Variants in DYNC2LI1 observed in about 807,000 individuals in gnomAD.
The protein encoded by DYNC2LI1 is cytoplasmic dynein 2 light intermediate chain 1.
In DYNC2LI1, 45 loss-of-function variants were observed where a neutral mutation model predicts 51.9. The ratio of observed to expected loss-of-function variants is 0.87; its 90% CI spans 0.68 to 1.11. The LOEUF is 1.11. DYNC2LI1 is among the 50% of genes most tolerant of loss of function. The pLI is 0.00. For synonymous variants in DYNC2LI1, 130 were observed against 137.8 expected, an observed-to-expected ratio of 0.94 and a Z score of 0.40; for missense variants, 490 against 417.4, an observed-to-expected ratio of 1.17 and a Z score of -1.51.
the DYNC2LI1 span, among the ~76,000 whole-genome samples, chr2:43,823,545 G>A: frequency 1.3e-5 from 2 of 152,094 alleles, no homozygotes; most frequent in Non-Finnish European, 2.9e-5. Context: ...CCTAAAATCA[G>A]CTCCAAAGAG....
intron 3 of DYNC2LI1, among the ~76,000 whole-genome samples, chr2:43,784,761 A>G (rs1413763388): frequency 6.6e-6 from 1 of 152,134 alleles, no homozygotes; most frequent in African/African-American, 2.4e-5. Flanking sequence ...CAATTCCTCA[A>G]TAGTCTACTT....
intron 10 of DYNC2LI1, 113 bp downstream of exon 10, chr2:43,801,822 G>A: frequency 5.6e-6 from 4 of 718,132 alleles, no homozygotes; most frequent in South Asian, 3.8e-5. Flanking sequence ...CATTATCATT[G>A]CTGTTATTTC....
At chr2:43,801,424 G>T in intron 9 of DYNC2LI1, 1 of 382,838 alleles carries the variant, frequency 2.6e-6, no homozygotes, top group Admixed American at 4.7e-5. Context: ...TAAGGTAATA[G>T]GGTCTGTCAC....
intron 5 of DYNC2LI1, 176 bp from the exon 6 acceptor site, chr2:43,794,281 G>A (rs1673927232): frequency 3.4e-6 from 2 of 586,092 alleles, no homozygotes; most frequent in East Asian, 2.9e-5. Context: ...GGAAAGTATT[G>A]GAATAAATAA....
chr2:43,802,077 C>A (rs186148265), intron 10 of DYNC2LI1, among the ~76,000 whole-genome samples: 16 of 152,172 alleles, frequency 1.1e-4, no homozygotes, highest in Admixed American at 6.5e-5. Context: ...ATATTACAGG[C>A]AATTAGCAAG....
Position 43,776,799 on chromosome 2 carries a change from T to C in DYNC2LI1, c.26T>C (p.Ile9Thr), listed in dbSNP as rs753886324. The change falls in exon 2 of 13, where the codon ATT becomes ACT. Residue 9 changes from isoleucine to threonine, a missense_variant. Ile to Thr is a moderately conservative substitution (Grantham distance 89). Coordinates refer to ENST00000260605, the MANE Select transcript of DYNC2LI1 (RefSeq NM_016008.4). ...TCATGTAGTGAAACTCTCTGGGAAA[T>C]TGCAAAAGCTGAAGTGGAAAAAAGG... Reference protein sequence around the residue: MPSETLWEIAKAEVEKRGI... With the variant: MPSETLWETAKAEVEKRGI... The C allele has an allele frequency of 3.8e-6, 6 of 1,585,474 alleles. No individual in the cohort carries two copies. The highest frequency in any genetic ancestry group is 3.5e-5 in the Admixed American group (2 of 56,634).
chr2:43,775,854 AT>A (rs57868887), intron 1 of DYNC2LI1: 5,050 of 49,822 alleles, frequency 0.1, 91 homozygotes, highest in Middle Eastern at 0.13. Flanking sequence ...CACCTGGCCA[AT>A]TTTTTTTTTT....
intron 2 of DYNC2LI1, among the ~76,000 whole-genome samples, chr2:43,782,365 A>G (rs1380258935): frequency 1.3e-5 from 2 of 151,982 alleles, no homozygotes; most frequent in African/African-American, 4.8e-5. Flanking sequence ...TGGAGTAATT[A>G]TCTTTTTTGT....
At chr2:43,813,056 G>A (rs1050327532), downstream of DYNC2LI1, 3 of 780,022 alleles carry the variant, frequency 3.8e-6, no homozygotes, top group South Asian at 2.8e-5. Context: ...CATTTCAGAC[G>A]TTCAGAGCAG....
At chr2:43,779,626 G>C (rs1469815162) in intron 2 of DYNC2LI1, among the ~76,000 whole-genome samples, 1 of 152,218 alleles carries the variant, frequency 6.6e-6, no homozygotes, top group Non-Finnish European at 1.5e-5. Flanking sequence ...AGAAAGTTGG[G>C]AGACTAGGAA....
At chr2:43,802,121 A>G (rs1245984253) in intron 10 of DYNC2LI1, among the ~76,000 whole-genome samples, 1 of 152,180 alleles carries the variant, frequency 6.6e-6, no homozygotes, top group East Asian at 1.9e-4. Context: ...AGTAAACCAA[A>G]AAGAACACAG....
At chr2:43,815,145 T>C in the DYNC2LI1 span, among the ~76,000 whole-genome samples, 8 of 152,156 alleles carry the variant, frequency 5.3e-5, no homozygotes, top group African/African-American at 1.9e-4. Context: ...AGAACTAACC[T>C]AGAATACAAA....
chr2:43,792,661 T>C, intron 5 of DYNC2LI1: 1 of 1,538,752 alleles, frequency 6.5e-7, no homozygotes, highest in East Asian at 2.5e-5. Context: ...TAACTCCTTG[T>C]TTTTCCTTCC....
chr2:43,824,758 T>A, the DYNC2LI1 span: 1 of 1,471,488 alleles, frequency 6.8e-7, no homozygotes, highest in Non-Finnish European at 9.2e-7. Flanking sequence ...CCAAATTGAT[T>A]CCTTGAAGAG....
the DYNC2LI1 span, among the ~76,000 whole-genome samples, chr2:43,827,431 TGCAA>T: frequency 6.6e-6 from 1 of 152,026 alleles, no homozygotes; most frequent in Non-Finnish European, 1.5e-5. Flanking sequence ...TCTACCACAG[TGCAA>T]AGAAAGGATC....
At chr2:43,790,894 A>C (rs920862179) in intron 5 of DYNC2LI1, among the ~76,000 whole-genome samples, 2 of 152,066 alleles carry the variant, frequency 1.3e-5, no homozygotes, top group Non-Finnish European at 2.9e-5. Flanking sequence ...GCTGCCTGGG[A>C]ATAGTGCCTA....
chr2:43,812,959 G>T (rs1393454795), downstream of DYNC2LI1: 4 of 653,134 alleles, frequency 6.1e-6, no homozygotes, highest in South Asian at 3.5e-5. Context: ...TGCATTCAAG[G>T]CCTGCTTGGA....
At chr2:43,796,865 C>A (rs1423469471) in intron 8 of DYNC2LI1, 70 bp downstream of exon 8, 2 of 1,169,944 alleles carry the variant, frequency 1.7e-6, no homozygotes, top group Non-Finnish European at 2.6e-6. Context: ...CAACTTGATG[C>A]ACAGCTACGA....
intron 5 of DYNC2LI1, among the ~76,000 whole-genome samples, chr2:43,790,358 T>A (rs1170013123): frequency 2.0e-5 from 3 of 152,218 alleles, no homozygotes; most frequent in African/African-American, 4.8e-5. Flanking sequence ...CAATTTTTTT[T>A]AATCTGAAAT....
Sources: gnomAD v4.1 joint callset for allele counts (sites outside exome capture counted in the v4.1 genomes callset) on GRCh38, gnomAD v4.1.1 for gene constraint, MANE v1.5 for transcripts, NCBI Gene and HGNC (gene_info 2026-07-23, HGNC 2026-07-21) for gene names.